The following CNOT6 variants were observed in gnomAD, a reference collection of about 807,000 sequenced individuals.
CNOT6 encodes the protein carbon catabolite repression 4 protein.
Under a neutral mutation model 61.2 loss-of-function variants are expected in CNOT6, and 12 were observed. The observed-to-expected ratio is 0.20, with a 90% CI of 0.13 to 0.32. The LOEUF (loss-of-function observed/expected upper bound fraction) is 0.32. Ranked by LOEUF, CNOT6 falls within the 10% of genes least tolerant of loss-of-function variation. CNOT6 has a pLI of 1.00. For synonymous variants in CNOT6, 225 were observed against 240.6 expected (o/e 0.94, Z 0.60); for missense variants, 405 against 663.9 (o/e 0.61, Z 4.28).
chr5:180,533,216 G>A (rs1758477878), intron 2 of CNOT6, among the ~76,000 whole-genome samples: 1 of 151,154 alleles, frequency 6.6e-6, no homozygotes, highest in Admixed American at 6.6e-5. Context: ...AAGGAGGATA[G>A]GAGAAGGTCA....
At chr5:180,527,089 G>A (rs566144025) in intron 1 of CNOT6, among the ~76,000 whole-genome samples, 166 of 152,044 alleles carry the variant, frequency 1.1e-3, no homozygotes, top group African/African-American at 3.9e-3. Context: ...GGGTGGTGCT[G>A]GTCTCAAACT....
At position 180,577,191 on chromosome 5, in the gene CNOT6, G is replaced by GTGTGTGTGTGTGTT. The variant is rs1338544883; in HGVS notation, c.*2996_*2997insGTGTGTGTTTGTGT. On this transcript the variant is annotated 3_prime_UTR_variant, in exon 12 of 12. Coordinates refer to ENST00000261951, the MANE Select transcript of CNOT6 (RefSeq NM_001370472.1). ...TGTGTGTGTGTGTGTGTGTGTGTGT[G>GTGTGTGTGTGTGTT]TGTGTTTAATATGATTTAGTGACAA... The GTGTGTGTGTGTGTT allele has an allele frequency of 1.5e-4, 23 of 152,092 alleles. No individual in the cohort carries two copies. Among genetic ancestry groups the GTGTGTGTGTGTGTT allele is most frequent in the African/African-American group, 5.6e-4 (23 of 41,098 alleles). 9.4% of individuals were successfully genotyped at this position (152,092 alleles called of 1,614,324 possible).
chr5:180,525,881 C>T (rs72812939), intron 1 of CNOT6, among the ~76,000 whole-genome samples: 2,880 of 152,054 alleles, frequency 0.019, 38 homozygotes, highest in Non-Finnish European at 0.027. Context: ...GAGAAGTGAC[C>T]ATTGGAAATA....
At chr5:180,552,641 G>A (rs994256265) in intron 3 of CNOT6, among the ~76,000 whole-genome samples, 16 of 121,068 alleles carry the variant, frequency 1.3e-4, no homozygotes, top group Non-Finnish European at 2.9e-4. Flanking sequence ...GCGAGACTCC[G>A]TCTCAAAAAA....
intron 9 of CNOT6, among the ~76,000 whole-genome samples, chr5:180,568,446 G>C (rs1406146597): frequency 1.3e-5 from 2 of 151,640 alleles, no homozygotes; most frequent in Non-Finnish European, 2.9e-5. Context: ...CCAGCTACTT[G>C]GGAGGCTGAG....
intron 1 of CNOT6, among the ~76,000 whole-genome samples, chr5:180,519,289 G>T (rs72811168): frequency 0.019 from 2,881 of 152,324 alleles, 38 homozygotes; most frequent in Non-Finnish European, 0.027. Flanking sequence ...GTGCAAGCAG[G>T]TTATCTGGGA....
intron 2 of CNOT6, among the ~76,000 whole-genome samples, chr5:180,536,338 A>G (rs1222313714): frequency 6.6e-6 from 1 of 151,398 alleles, no homozygotes; most frequent in Admixed American, 6.6e-5. Flanking sequence ...TTCCTTGTAG[A>G]TTCTATATAG....
chr5:180,550,408 C>A (rs181016216), intron 3 of CNOT6, among the ~76,000 whole-genome samples: 3 of 152,206 alleles, frequency 2.0e-5, no homozygotes, highest in Non-Finnish European at 4.4e-5. Context: ...CGAGATCACA[C>A]CGCTGCACTC....
chr5:180,552,443 C>T (rs13167069), intron 3 of CNOT6, among the ~76,000 whole-genome samples: 128,710 of 151,174 alleles, frequency 0.85, 54,995 homozygotes, highest in East Asian at 0.96. Flanking sequence ...AGATCGAGAC[C>T]ATCCTGGCTA....
intron 2 of CNOT6, among the ~76,000 whole-genome samples, chr5:180,539,477 A>G (rs989771023): frequency 2.1e-5 from 3 of 145,098 alleles, no homozygotes; most frequent in Admixed American, 6.9e-5. Flanking sequence ...TTTTTTGGGC[A>G]TGTTTGGAGT....
chr5:180,546,500 C>A (rs1759320865), intron 2 of CNOT6, among the ~76,000 whole-genome samples: 1 of 152,178 alleles, frequency 6.6e-6, no homozygotes, highest in African/African-American at 2.4e-5. Flanking sequence ...TCTTTACATG[C>A]AGATAATAGC....
intron 4 of CNOT6, among the ~76,000 whole-genome samples, chr5:180,561,375 T>C (rs1222647383): frequency 6.6e-6 from 1 of 151,702 alleles, no homozygotes; most frequent in Non-Finnish European, 1.5e-5. Flanking sequence ...TGTGTGTGTG[T>C]GTGTGTGTGT....
intron 1 of CNOT6, among the ~76,000 whole-genome samples, chr5:180,522,831 C>T (rs6896785): frequency 0.17 from 25,838 of 152,120 alleles, 2,299 homozygotes; most frequent in Non-Finnish European, 0.19. Flanking sequence ...TGTTCCTCAC[C>T]CTGTATACAA....
intron 2 of CNOT6, among the ~76,000 whole-genome samples, chr5:180,535,394 G>A (rs925982575): frequency 2.0e-5 from 3 of 152,222 alleles, no homozygotes; most frequent in Non-Finnish European, 4.4e-5. Context: ...GCTCCCACTT[G>A]TAAGTGAGAA....
At chr5:180,551,044 T>A (rs1249187666) in intron 3 of CNOT6, among the ~76,000 whole-genome samples, 1 of 152,106 alleles carries the variant, frequency 6.6e-6, no homozygotes, top group Non-Finnish European at 1.5e-5. Flanking sequence ...TACTGTGTTT[T>A]AAGAAATGGT....
chr5:180,536,486 T>C (rs1758707451), intron 2 of CNOT6, among the ~76,000 whole-genome samples: 1 of 151,962 alleles, frequency 6.6e-6, no homozygotes, highest in South Asian at 2.1e-4. Context: ...AGATAAGATA[T>C]CATTGTTCTG....
intron 6 of CNOT6, among the ~76,000 whole-genome samples, chr5:180,565,424 C>T (rs567290404): frequency 6.6e-6 from 1 of 152,250 alleles, no homozygotes; most frequent in East Asian, 1.9e-4. Context: ...AATAGTTGTG[C>T]TGTAGAAGAA....
intron 2 of CNOT6, among the ~76,000 whole-genome samples, chr5:180,530,562 T>C (rs1010708668): frequency 1.0e-5 from 1 of 99,588 alleles, no homozygotes; most frequent in African/African-American, 3.5e-5. Flanking sequence ...TTCTGATTTC[T>C]TTTTTTTTTT....
intron 2 of CNOT6, among the ~76,000 whole-genome samples, chr5:180,535,233 G>A (rs1374367397): frequency 6.6e-6 from 1 of 152,270 alleles, no homozygotes; most frequent in Non-Finnish European, 1.5e-5. Flanking sequence ...ATATTGTGTA[G>A]TGGCAAAGTC....
Sources: gnomAD v4.1 joint callset for allele counts (sites outside exome capture counted in the v4.1 genomes callset) on GRCh38, gnomAD v4.1.1 for gene constraint, MANE v1.5 for transcripts, NCBI Gene and HGNC (gene_info 2026-07-23, HGNC 2026-07-21) for gene names.